The following CCDC175 variants were observed in gnomAD, a reference collection of about 807,000 sequenced individuals.
The protein encoded by CCDC175 is coiled-coil domain-containing protein 175.
A neutral mutation model predicts 114.6 loss-of-function variants in CCDC175; 100 were observed. The ratio of observed to expected loss-of-function variants is 0.87; its 90% confidence interval spans 0.74 to 1.03. CCDC175 has a LOEUF of 1.03. Ranked by LOEUF, CCDC175 falls within the 50% of genes least tolerant of loss-of-function variation. The pLI, the probability that CCDC175 is intolerant of heterozygous loss-of-function variation, is 0.00. For synonymous variants in CCDC175, 306 were observed against 308.7 expected (o/e 0.99, Z 0.09); for missense variants, 880 against 917.8 (o/e 0.96, Z 0.53).
intron 8 of CCDC175, among the ~76,000 whole-genome samples, chr14:59,549,175 G>C (rs898018860): frequency 6.6e-6 from 1 of 152,182 alleles, no homozygotes; most frequent in Non-Finnish European, 1.5e-5. Context: ...AAAGATAGAG[G>C]ATGTAGACAG....
chr14:59,516,863 C>A (rs1414072046), intron 17 of CCDC175, among the ~76,000 whole-genome samples: 13 of 151,850 alleles, frequency 8.6e-5, no homozygotes, highest in Admixed American at 8.5e-4. Context: ...AGAGACACAA[C>A]AAAAAAAGAG....
chr14:59,545,353 G>T, intron 8 of CCDC175, 54 bp from the exon 9 acceptor site: 4 of 1,506,234 alleles, frequency 2.7e-6, no homozygotes, highest in Non-Finnish European at 3.5e-6. Context: ...GCTCCTCTGA[G>T]GCCATCTGCA....
Position 59,543,440 on chromosome 14 carries a change from A to G in CCDC175, c.1187T>C (p.Leu396Pro). 7.1e-7 allele frequency: 1 copy of G among 1,402,026 alleles called. No individual in the cohort carries two copies. Among genetic ancestry groups the G allele is most frequent in the Non-Finnish European group, 9.5e-7 (1 of 1,054,896 alleles). The allele number at this position is 1,402,026 out of a possible 1,614,324, so 86.8% of individuals were successfully genotyped here. Residue 396 changes from leucine to proline, a missense_variant, in exon 10 of 20, where the codon CTG becomes CCG. Leu to Pro is a moderately conservative substitution (Grantham distance 98). Coordinates refer to ENST00000537690, the MANE Select transcript of CCDC175 (RefSeq NM_001164399.2). ...GTATTCTTTCTGAGAAATAAATGTCAGCTGTTTCTGATTTCTATCATGAAA... is the reference window on the plus strand; with the variant it reads ...GTATTCTTTCTGAGAAATAAATGTCGGCTGTTTCTGATTTCTATCATGAAA... Reference protein sequence around the residue: ...QKIHDENQKQLTFISQKEYFL... With the variant: ...QKIHDENQKQPTFISQKEYFL...
rs1892770553 is a variant in CCDC175, at chr14:59,511,805, T to A, written c.2099-2A>T. 1.3e-6 allele frequency: 2 copies of A among 1,530,022 alleles called. No homozygotes were observed. The highest frequency in any genetic ancestry group is 1.8e-6 in the Non-Finnish European group (2 of 1,140,708). 94.8% of individuals were successfully genotyped at this position (1,530,022 alleles called of 1,614,324 possible). ...CAGCCCACAAATCCTTATATTGTGC[T>A]AAAATAAAGATTTAAAAAATACAAT... is the stretch of plus-strand genomic sequence containing the variant. On this transcript the variant is annotated splice_acceptor_variant, in intron 17 of 19. Coordinates refer to ENST00000537690, the MANE Select transcript of CCDC175 (RefSeq NM_001164399.2). LOFTEE classifies it high-confidence loss of function.
In CCDC175 at chr14:59,525,336, A is replaced by G. The variant is rs2139991419; in HGVS notation, c.1941T>C (p.Tyr647=). ...GAAGATCTGCTTTTTGGTCATTTAT[A>G]TAGAATCCATTTTCTAAGTTCTTTA... ...ETLKNLENGF[Y]INDQKADLLL... The change falls in exon 16 of 20, where the codon TAT becomes TAC. Residue 647 remains tyrosine (Y), a synonymous_variant. Coordinates refer to ENST00000537690, the MANE Select transcript of CCDC175 (RefSeq NM_001164399.2). 1 of 1,503,768 alleles carries G rather than the reference A, an allele frequency of 6.6e-7. No individual in the cohort carries two copies. Among genetic ancestry groups the G allele is most frequent in the Non-Finnish European group, 8.8e-7 (1 of 1,135,158 alleles). 93.2% of individuals were successfully genotyped at this position (1,503,768 alleles called of 1,614,324 possible).
At chr14:59,511,871 TATTC>T in intron 17 of CCDC175, 68 bp from the exon 18 acceptor site, 1 of 1,200,798 alleles carries the variant, frequency 8.3e-7, no homozygotes, top group Non-Finnish European at 1.2e-6. Flanking sequence ...AAAGTCGTGT[TATTC>T]ATTTTTGTTT....
intron 16 of CCDC175, among the ~76,000 whole-genome samples, chr14:59,522,571 T>C (rs1893484222): frequency 6.6e-6 from 1 of 152,218 alleles, no homozygotes; most frequent in African/African-American, 2.4e-5. Flanking sequence ...AAACTCTCTA[T>C]TTTCTTTCAG....
chr14:59,556,270 C>A (rs1029954952), intron 7 of CCDC175, among the ~76,000 whole-genome samples: 1 of 152,080 alleles, frequency 6.6e-6, no homozygotes, highest in African/African-American at 2.4e-5. Flanking sequence ...GAGATGTAGA[C>A]CAATGGAACA....
chr14:59,522,398 T>C (rs1893472974), intron 16 of CCDC175, among the ~76,000 whole-genome samples: 1 of 152,236 alleles, frequency 6.6e-6, no homozygotes, highest in African/African-American at 2.4e-5. Flanking sequence ...GGTCTACTCA[T>C]GTATCTTTGA....
At chr14:59,513,168 A>G (rs1433013925) in intron 17 of CCDC175, among the ~76,000 whole-genome samples, 3 of 152,222 alleles carry the variant, frequency 2.0e-5, no homozygotes, top group African/African-American at 7.2e-5. Flanking sequence ...TCATATAAAA[A>G]AGTTCACTTG....
At chr14:59,558,030 T>C (rs1896017123) in intron 7 of CCDC175, among the ~76,000 whole-genome samples, 1 of 152,130 alleles carries the variant, frequency 6.6e-6, no homozygotes, top group African/African-American at 2.4e-5. Context: ...TCTAGACAGG[T>C]GGTCAGGGAA....
chr14:59,556,758 C>T (rs1210223807), intron 7 of CCDC175, among the ~76,000 whole-genome samples: 2 of 152,096 alleles, frequency 1.3e-5, no homozygotes, highest in Non-Finnish European at 2.9e-5. Flanking sequence ...AGAACTCAAA[C>T]AAATTTATAA....
intron 16 of CCDC175, among the ~76,000 whole-genome samples, chr14:59,524,799 A>G (rs74408339): frequency 6.6e-6 from 1 of 152,200 alleles, no homozygotes; most frequent in Non-Finnish European, 1.5e-5. Flanking sequence ...ATAGCCAAAA[A>G]CTAGAAACTC....
intron 18 of CCDC175, among the ~76,000 whole-genome samples, chr14:59,511,548 T>TAAAAG (rs1892744838): frequency 1.1e-5 from 1 of 94,648 alleles, no homozygotes; most frequent in Non-Finnish European, 2.0e-5. Context: ...TGATATTTGG[T>TAAAAG]AAAAAAAAAA....
At position 59,538,698 on chromosome 14, in the gene CCDC175, C is replaced by G; in HGVS notation, c.1491+7G>C. 1 of 1,531,838 alleles carries G rather than the reference C, an allele frequency of 6.5e-7. No homozygotes were observed. Among genetic ancestry groups the G allele is most frequent in the Non-Finnish European group, 8.7e-7 (1 of 1,144,878 alleles). 94.9% of individuals were successfully genotyped at this position (1,531,838 alleles called of 1,614,324 possible). Reference sequence around the variant, plus strand: ...GGACTAATTCTAAGTTCTTTCAGTTCTCTTACCTCGTTAAGTAATTCAATT... The same window carrying G: ...GGACTAATTCTAAGTTCTTTCAGTTGTCTTACCTCGTTAAGTAATTCAATT... On this transcript the variant is annotated splice_region_variant and intron_variant, in intron 12 of 19. Transcript: ENST00000537690.
chr14:59,548,074 G>A (rs1895225438), intron 8 of CCDC175, among the ~76,000 whole-genome samples: 2 of 151,976 alleles, frequency 1.3e-5, no homozygotes, highest in Admixed American at 1.3e-4. Context: ...GCCGATGAAT[G>A]GATAAAGAAA....
Position 59,565,151 on chromosome 14 carries a change from T to C in CCDC175, c.616A>G (p.Arg206Gly), listed in dbSNP as rs767785797. The C allele has an allele frequency of 5.2e-6, 8 of 1,537,772 alleles. No individual in the cohort carries two copies. In the East Asian group the frequency reaches 1.7e-4, roughly 33 times the overall value. Reference protein sequence around the residue: ...NETYTKINLKREDIALQKKCI... With the variant: ...NETYTKINLKGEDIALQKKCI... The stretch of plus-strand genomic sequence containing the variant: ...TTTTTTTGCAATGCTATGTCTTCTC[T>C]CTTCAAGTTTATTTTGGTATAAGTC... The change falls in exon 5 of 20, where the codon AGA becomes GGA. Residue 206 changes from arginine (R) to glycine (G), a missense_variant. Arg to Gly is a moderately radical substitution (Grantham distance 125). Coordinates refer to ENST00000537690, the MANE Select transcript of CCDC175 (RefSeq NM_001164399.2).
Position 59,521,566 on chromosome 14 carries a change from T to G in CCDC175, c.2098+8A>C. ...CCTGACTAATACAAGCACCCACACA[T>G]TACTTACCCTCCTGAGCTATTAGTT... On this transcript the variant is annotated splice_region_variant and intron_variant, in intron 17 of 19. Transcript: ENST00000537690. 5 of 1,486,940 alleles carry G rather than the reference T, an allele frequency of 3.4e-6. No individual in the cohort carries two copies. The highest frequency in any genetic ancestry group is 3.6e-6 in the Non-Finnish European group (4 of 1,101,566). The allele number at this position is 1,486,940 out of a possible 1,614,324, so 92.1% of individuals were successfully genotyped here.
intron 2 of CCDC175, among the ~76,000 whole-genome samples, chr14:59,574,323 G>A (rs182633858): frequency 6.6e-6 from 1 of 152,292 alleles, no homozygotes; most frequent in African/African-American, 2.4e-5. Context: ...TACTCTGACT[G>A]TGCCAAGGAA....
Sources: gnomAD v4.1 joint callset for allele counts (sites outside exome capture counted in the v4.1 genomes callset) on GRCh38, gnomAD v4.1.1 for gene constraint, MANE v1.5 for transcripts, NCBI Gene and HGNC (gene_info 2026-07-23, HGNC 2026-07-21) for gene names.